SLC35F1: variants seen among roughly 807,000 people sequenced by gnomAD.
SLC35F1 encodes solute carrier family 35 member F1.
SLC35F1 carries 14 observed loss-of-function variants against 48.7 expected under a neutral mutation model. The ratio of observed to expected loss-of-function variants is 0.29; its 90% confidence interval spans 0.19 to 0.45. The LOEUF (loss-of-function observed/expected upper bound fraction) is 0.45. SLC35F1 is among the 20% of genes least tolerant of loss of function. SLC35F1 has a pLI of 1.00. For synonymous variants in SLC35F1, 190 were observed against 202.2 expected (o/e 0.94, Z 0.51); for missense variants, 404 against 500.0 (o/e 0.81, Z 1.83).
At chr6:118,010,981 T>C (rs1777237458) in intron 1 of SLC35F1, among the ~76,000 whole-genome samples, 1 of 152,196 alleles carries the variant, frequency 6.6e-6, no homozygotes, top group Non-Finnish European at 1.5e-5. Context: ...GGAGACATTT[T>C]TGGTTGTTAG....
At chr6:118,053,593 A>G (rs541506558) in intron 1 of SLC35F1, among the ~76,000 whole-genome samples, 1 of 152,184 alleles carries the variant, frequency 6.6e-6, no homozygotes, top group Non-Finnish European at 1.5e-5. Flanking sequence ...CATAGTGAAC[A>G]TATAACTTAA....
At chr6:118,185,380 C>T (rs1362685079) in intron 2 of SLC35F1, among the ~76,000 whole-genome samples, 2 of 152,172 alleles carry the variant, frequency 1.3e-5, no homozygotes, top group African/African-American at 4.8e-5. Flanking sequence ...AGCCCTGCCA[C>T]ATTTCCCCTG....
At chr6:118,241,196 C>T (rs1775435800) in intron 3 of SLC35F1, among the ~76,000 whole-genome samples, 1 of 152,108 alleles carries the variant, frequency 6.6e-6, no homozygotes, top group East Asian at 1.9e-4. Context: ...TAGGATGTGA[C>T]CCAAGCACAT....
intron 1 of SLC35F1, among the ~76,000 whole-genome samples, chr6:118,042,772 G>T (rs955193134): frequency 9.2e-5 from 14 of 152,106 alleles, no homozygotes; most frequent in African/African-American, 3.4e-4. Flanking sequence ...GGAAGGGCTC[G>T]ATCTAAGAGA....
chr6:118,024,807 C>T (rs1253468087), intron 1 of SLC35F1, among the ~76,000 whole-genome samples: 1 of 152,118 alleles, frequency 6.6e-6, no homozygotes, highest in Non-Finnish European at 1.5e-5. Flanking sequence ...GCAACTCTTA[C>T]CCTGGACAAA....
chr6:117,962,447 T>C (rs1486236090), intron 1 of SLC35F1, among the ~76,000 whole-genome samples: 1 of 152,210 alleles, frequency 6.6e-6, no homozygotes, highest in Non-Finnish European at 1.5e-5. Flanking sequence ...CTCCTTGCTT[T>C]TTAAAAATGC....
At chr6:117,940,420 A>T (rs1467691149) in intron 1 of SLC35F1, among the ~76,000 whole-genome samples, 1 of 152,122 alleles carries the variant, frequency 6.6e-6, no homozygotes, top group Non-Finnish European at 1.5e-5. Context: ...TTATCTATTT[A>T]TTCAGCATTA....
intron 1 of SLC35F1, among the ~76,000 whole-genome samples, chr6:118,015,281 C>T (rs1435936559): frequency 4.6e-5 from 7 of 152,092 alleles, no homozygotes; most frequent in Admixed American, 6.5e-5. Flanking sequence ...GTTGATCCTC[C>T]GGAGAGATTG....
intron 1 of SLC35F1, among the ~76,000 whole-genome samples, chr6:117,927,275 C>T (rs1776040873): frequency 6.6e-6 from 1 of 152,298 alleles, no homozygotes; most frequent in East Asian, 1.9e-4. Context: ...TTCTGAGCTC[C>T]TTCATGGTCT....
At chr6:118,069,091 G>T (rs187094549) in intron 1 of SLC35F1, among the ~76,000 whole-genome samples, 1 of 152,172 alleles carries the variant, frequency 6.6e-6, no homozygotes, top group Admixed American at 6.5e-5. Context: ...GATATAAAAT[G>T]GTTTTCCTTT....
intron 2 of SLC35F1, among the ~76,000 whole-genome samples, chr6:118,186,714 A>G (rs1774661868): frequency 6.6e-6 from 1 of 152,194 alleles, no homozygotes; most frequent in South Asian, 2.1e-4. Context: ...CTAGAGATAT[A>G]AAAGTGAATA....
chr6:118,219,438 A>C (rs1010567867), intron 2 of SLC35F1, among the ~76,000 whole-genome samples: 10 of 152,196 alleles, frequency 6.6e-5, no homozygotes, highest in Non-Finnish European at 1.0e-4. Context: ...AGAAATGCAA[A>C]TCAAAACCAC....
intron 4 of SLC35F1, among the ~76,000 whole-genome samples, chr6:118,272,737 GTATATATATATACA>G (rs1487472532): frequency 8.3e-6 from 1 of 120,250 alleles, no homozygotes; most frequent in Non-Finnish European, 1.7e-5. Context: ...ATATGTGTGT[GTATATATATATACA>G]TATATATATA....
chr6:118,143,482 G>A (rs920296471), intron 1 of SLC35F1, among the ~76,000 whole-genome samples: 17 of 152,132 alleles, frequency 1.1e-4, no homozygotes, highest in Non-Finnish European at 2.4e-4. Flanking sequence ...CTCATTTCAT[G>A]TAAGACTTCT....
At chr6:117,973,182 C>G (rs559974643) in intron 1 of SLC35F1, among the ~76,000 whole-genome samples, 1 of 152,300 alleles carries the variant, frequency 6.6e-6, no homozygotes, top group African/African-American at 2.4e-5. Context: ...TCTTGCTGTG[C>G]TTTCACATGG....
intron 1 of SLC35F1, among the ~76,000 whole-genome samples, chr6:118,130,952 A>G (rs1160251760): frequency 1.3e-5 from 2 of 152,220 alleles, no homozygotes; most frequent in Non-Finnish European, 2.9e-5. Context: ...TTACTTCAGA[A>G]TACTTTACAA....
chr6:117,987,240 A>G (rs1026311666), intron 1 of SLC35F1, among the ~76,000 whole-genome samples: 1 of 152,028 alleles, frequency 6.6e-6, no homozygotes, highest in Non-Finnish European at 1.5e-5. Flanking sequence ...GAACTAGATG[A>G]TAAGTTTGAT....
chr6:118,048,550 G>A (rs893544258), intron 1 of SLC35F1, among the ~76,000 whole-genome samples: 9 of 152,112 alleles, frequency 5.9e-5, no homozygotes, highest in African/African-American at 2.2e-4. Context: ...AAAATCACAA[G>A]CATTCTTATA....
intron 1 of SLC35F1, among the ~76,000 whole-genome samples, chr6:117,913,584 G>A (rs990422279): frequency 2.0e-5 from 3 of 152,124 alleles, no homozygotes; most frequent in Admixed American, 1.3e-4. Context: ...ATTATACAGG[G>A]AATCCTTGAA....
Sources: gnomAD v4.1 joint callset for allele counts (sites outside exome capture counted in the v4.1 genomes callset) on GRCh38, gnomAD v4.1.1 for gene constraint, MANE v1.5 for transcripts, NCBI Gene and HGNC (gene_info 2026-07-23, HGNC 2026-07-21) for gene names.